HAAO: variants seen among roughly 807,000 people sequenced by gnomAD.
The protein encoded by HAAO is 3-hydroxyanthranilate oxygenase.
A neutral mutation model predicts 46.2 loss-of-function variants in HAAO; 49 were observed. That is an observed-to-expected ratio of 1.06 (90% CI 0.84 to 1.34). HAAO has a LOEUF of 1.34. Among genes scored for constraint, HAAO ranks in the 40% most tolerant of loss-of-function variants. The pLI, the probability that HAAO is intolerant of heterozygous loss-of-function variation, is 0.00. For missense variants in HAAO, 408 were observed against 364.5 expected, an observed-to-expected ratio of 1.12 and a Z score of -0.97; for synonymous variants, 157 against 145.2, an observed-to-expected ratio of 1.08 and a Z score of -0.58.
At chr2:42,776,846 T>G (rs1311402464) in intron 4 of HAAO, among the ~76,000 whole-genome samples, 1 of 148,590 alleles carries the variant, frequency 6.7e-6, no homozygotes, top group African/African-American at 2.5e-5. Flanking sequence ...CTTGGCCAGG[T>G]GGCTATTGAA....
chr2:42,784,352 T>C (rs1672235614), intron 2 of HAAO, among the ~76,000 whole-genome samples: 1 of 152,026 alleles, frequency 6.6e-6, no homozygotes, highest in Non-Finnish European at 1.5e-5. Context: ...AGCTGGTTAG[T>C]CTCCAGCTGG....
chr2:42,782,939 G>A, intron 4 of HAAO: 1 of 456,898 alleles, frequency 2.2e-6, no homozygotes. Context: ...ATGTCATCAG[G>A]ACCTCCTGAG....
At position 42,769,864 on chromosome 2, in the gene HAAO, C is replaced by A. The variant is rs780721956; in HGVS notation, c.485-6G>T. ...TGGCTCCTTGAGCAGCTGGTCTGCACCCACAGCATGACTATAGTCGGTGTC... is the reference window on the plus strand; with the variant it reads ...TGGCTCCTTGAGCAGCTGGTCTGCAACCACAGCATGACTATAGTCGGTGTC... On this transcript the variant is annotated splice_polypyrimidine_tract_variant and splice_region_variant and intron_variant, in intron 6 of 9. Transcript: ENST00000294973. 12 of 1,604,974 alleles carry A rather than the reference C, an allele frequency of 7.5e-6. No individual in the cohort carries two copies. In the East Asian group the frequency reaches 2.5e-4, roughly 33 times the overall value.
At chr2:42,783,064 C>T in intron 4 of HAAO, 1 of 550,930 alleles carries the variant, frequency 1.8e-6, no homozygotes, top group Non-Finnish European at 3.3e-6. Context: ...GATTCTGATT[C>T]CAGCCAAAGT....
At chr2:42,777,638 A>G (rs1337256742) in intron 4 of HAAO, among the ~76,000 whole-genome samples, 2 of 152,194 alleles carry the variant, frequency 1.3e-5, no homozygotes, top group Admixed American at 1.3e-4. Context: ...TGACAATCAC[A>G]ATTTTTAGAA....
chr2:42,767,186 G>T lies in HAAO; in HGVS notation c.*251C>A, dbSNP rs1465857400. The T allele has an allele frequency of 1.7e-6, 1 of 591,656 alleles. No individual in the cohort carries two copies. The highest frequency in any genetic ancestry group is 3.0e-6 in the Non-Finnish European group (1 of 329,768). The allele number at this position is 591,656 out of a possible 1,614,324, so 36.7% of individuals were successfully genotyped here. ...GGAATGGGCAGGAGCGGGGCCGGGG[G>T]TAGACCACCTGGCAAGACTGGCAAG... On this transcript the variant is annotated 3_prime_UTR_variant, in exon 10 of 10. Transcript: ENST00000294973.
At chr2:42,767,547 A>G (rs1297169981) in intron 9 of HAAO, 32 bp from the exon 10 acceptor site, 1 of 1,596,554 alleles carries the variant, frequency 6.3e-7, no homozygotes, top group Non-Finnish European at 8.6e-7. Flanking sequence ...GGGATCACAC[A>G]GAGTTGGACC....
rs1269307205 is a variant in HAAO, at chr2:42,783,846, C to T, written c.181G>A (p.Asp61Asn). Residue 61 changes from aspartate (D) to asparagine (N), a missense_variant, in exon 3 of 10, where the codon GAC becomes AAC. Coordinates refer to ENST00000294973, the MANE Select transcript of HAAO (RefSeq NM_012205.3). ...GEEVFYQLEG[D>N]MVLRVLEQGK... Reference sequence around the variant, plus strand: ...TGCTCCAGGACTCGGAGAACCATGTCTCCCTCCAGCTGGTAAAATACCTGT... The same window carrying T: ...TGCTCCAGGACTCGGAGAACCATGTTTCCCTCCAGCTGGTAAAATACCTGT... 33 of 1,611,654 alleles carry T rather than the reference C, an allele frequency of 2.0e-5. No individual in the cohort carries two copies. Among genetic ancestry groups the T allele is most frequent in the Non-Finnish European group, 2.7e-5 (32 of 1,179,038 alleles).
At chr2:42,775,934 GA>G (rs1558664721) in intron 4 of HAAO, among the ~76,000 whole-genome samples, 26 of 147,562 alleles carry the variant, frequency 1.8e-4, no homozygotes, top group African/African-American at 6.5e-4. Context: ...TTTTAAGGAA[GA>G]GTGTGGTTTT....
chr2:42,788,500 C>G, intron 2 of HAAO, 29 bp downstream of exon 2: 5 of 1,459,386 alleles, frequency 3.4e-6, no homozygotes, highest in Non-Finnish European at 4.8e-6. Flanking sequence ...GCCCGCAGGC[C>G]TAGATCCAGG....
chr2:42,788,445 G>A, intron 2 of HAAO, 84 bp downstream of exon 2: 1 of 853,426 alleles, frequency 1.2e-6, no homozygotes, highest in Non-Finnish European at 2.0e-6. Flanking sequence ...ATCATCTCTG[G>A]GCCTCGAGTG....
intron 7 of HAAO, 23 bp downstream of exon 7, chr2:42,769,690 C>T (rs367772126): frequency 1.3e-5 from 21 of 1,576,954 alleles, no homozygotes; most frequent in East Asian, 2.2e-5. Flanking sequence ...GAGGATGCCC[C>T]GGATGCCCCA....
intron 4 of HAAO, among the ~76,000 whole-genome samples, chr2:42,774,151 C>A (rs993084539): frequency 2.6e-5 from 4 of 152,216 alleles, no homozygotes; most frequent in Non-Finnish European, 4.4e-5. Context: ...TAAAACCAAG[C>A]TGTGCTCTGA....
intron 8 of HAAO, 27 bp downstream of exon 8, chr2:42,767,833 G>C (rs376688821): frequency 4.3e-6 from 7 of 1,609,676 alleles, no homozygotes; most frequent in Non-Finnish European, 6.0e-6. Flanking sequence ...AGGGGGTTCT[G>C]CAACCCTGTC....
intron 2 of HAAO, among the ~76,000 whole-genome samples, chr2:42,786,282 A>ACTGAACAGCAGAAAATC (rs1220233651): frequency 1.3e-5 from 2 of 152,166 alleles, no homozygotes; most frequent in African/African-American, 2.4e-5. Context: ...GGTACAGATC[A>ACTGAACAGCAGAAAATC]CTGAACAGCA....
chr2:42,788,537 C>G lies in HAAO; in HGVS notation c.151G>C (p.Gly51Arg). 6.2e-7 allele frequency: 1 copy of G among 1,600,954 alleles called. No individual in the cohort carries two copies. The highest frequency in any genetic ancestry group is 1.1e-5 in the South Asian group (1 of 90,700). The change falls in exon 2 of 10, where the codon GGT becomes CGT. Residue 51 changes from glycine to arginine, a missense_variant. Physicochemically the swap from Gly to Arg is moderately radical, Grantham distance 125. Transcript: ENST00000294973. ...NTRKDYHIEE[G>R]EEVFYQLEGD... ...AGACCAGTCAAACCTACCTCTTCACCCTCTTCGATGTGATAGTCCTTCCTG... is the reference window on the plus strand; with the variant it reads ...AGACCAGTCAAACCTACCTCTTCACGCTCTTCGATGTGATAGTCCTTCCTG...
chr2:42,769,336 T>TGG (rs1015586559), intron 7 of HAAO, among the ~76,000 whole-genome samples: 7 of 152,332 alleles, frequency 4.6e-5, no homozygotes, highest in African/African-American at 1.4e-4. Flanking sequence ...CTCTCCCTTT[T>TGG]GGCTTCCAAG....
At chr2:42,791,705 G>T (rs763345093) in intron 1 of HAAO, among the ~76,000 whole-genome samples, 1 of 152,174 alleles carries the variant, frequency 6.6e-6, no homozygotes, top group Non-Finnish European at 1.5e-5. Flanking sequence ...CCACCCTACT[G>T]ACCATGTCCT....
intron 4 of HAAO, among the ~76,000 whole-genome samples, chr2:42,775,648 T>G (rs530527743): frequency 2.0e-3 from 297 of 152,200 alleles, no homozygotes; most frequent in Non-Finnish European, 2.6e-3. Flanking sequence ...TTCTGTTTTC[T>G]TCATTTACTT....
Sources: gnomAD v4.1 joint callset for allele counts (sites outside exome capture counted in the v4.1 genomes callset) on GRCh38, gnomAD v4.1.1 for gene constraint, MANE v1.5 for transcripts, NCBI Gene and HGNC (gene_info 2026-07-23, HGNC 2026-07-21) for gene names.